The following DPP8 variants were observed in gnomAD, a reference collection of about 807,000 sequenced individuals.
DPP8 encodes dipeptidyl peptidase 8, also known as DPP VIII.
Under a neutral mutation model 107.5 loss-of-function variants are expected in DPP8, and 31 were observed. That is an observed-to-expected ratio of 0.29 (90% CI 0.22 to 0.39). The LOEUF is 0.39. DPP8 is among the 10% of genes least tolerant of loss of function. DPP8 has a pLI of 1.00. For synonymous variants in DPP8, 381 were observed against 356.6 expected (o/e 1.07, Z -0.77); for missense variants, 842 against 1,076.1 (o/e 0.78, Z 3.04).
chr15:65,488,039 T>C (rs915480997), intron 6 of DPP8, among the ~76,000 whole-genome samples: 3 of 152,202 alleles, frequency 2.0e-5, no homozygotes, highest in Non-Finnish European at 2.9e-5. Context: ...ATGATATGTA[T>C]ACATATTTTT....
At chr15:65,515,708 TC>T (rs755014161) in intron 1 of DPP8, 36 of 1,613,108 alleles carry the variant, frequency 2.2e-5, no homozygotes, top group Non-Finnish European at 2.9e-5. Context: ...GAGATCTTTT[TC>T]AAGTGACTCG....
chr15:65,492,784 G>T (rs1355430577), intron 5 of DPP8, among the ~76,000 whole-genome samples: 1 of 151,940 alleles, frequency 6.6e-6, no homozygotes, highest in East Asian at 1.9e-4. Context: ...TTTTTGTAGA[G>T]ATGAGGTCTC....
At chr15:65,487,020 GAATGA>G (rs146921814) in intron 7 of DPP8, among the ~76,000 whole-genome samples, 8,415 of 151,964 alleles carry the variant, frequency 0.055, 789 homozygotes, top group African/African-American at 0.19. Context: ...AAAAGAGCAA[GAATGA>G]AATAAAGTGA....
chr15:65,507,076 C>G (rs1219187877), intron 3 of DPP8, among the ~76,000 whole-genome samples, 167 bp downstream of exon 3: 1 of 152,208 alleles, frequency 6.6e-6, no homozygotes, highest in East Asian at 1.9e-4. Context: ...ATCTCAGTTT[C>G]AGATATCAAG....
chr15:65,469,369 A>G (rs1202604148), intron 12 of DPP8, among the ~76,000 whole-genome samples: 1 of 151,048 alleles, frequency 6.6e-6, no homozygotes, highest in Non-Finnish European at 1.5e-5. Context: ...AAAAGCTCAT[A>G]GGCAGCTGGG....
chr15:65,505,299 G>A (rs1346860614), intron 3 of DPP8, among the ~76,000 whole-genome samples: 2 of 151,520 alleles, frequency 1.3e-5, no homozygotes, highest in African/African-American at 4.9e-5. Context: ...AGCTTGCAGT[G>A]AGCTGAGATG....
chr15:65,461,787 C>G (rs654539), intron 15 of DPP8, among the ~76,000 whole-genome samples: 18,195 of 151,948 alleles, frequency 0.12, 1,905 homozygotes, highest in African/African-American at 0.29. Context: ...TTTTAGTAGA[C>G]ACAGGGTTCC....
intron 4 of DPP8, 148 bp from the exon 5 acceptor site, chr15:65,498,180 G>A (rs967572350): frequency 2.0e-5 from 10 of 509,728 alleles, no homozygotes; most frequent in African/African-American, 1.2e-4. Flanking sequence ...CCAGCACTTC[G>A]GGAGGCCAAG....
chr15:65,500,179 G>A (rs1427136437), intron 4 of DPP8, among the ~76,000 whole-genome samples: 3 of 152,114 alleles, frequency 2.0e-5, no homozygotes, highest in African/African-American at 7.2e-5. Flanking sequence ...AGCACTTTGG[G>A]AGGCCGAGAT....
At chr15:65,512,244 A>C in intron 2 of DPP8, 51 bp downstream of exon 2, 2 of 1,543,744 alleles carry the variant, frequency 1.3e-6, no homozygotes, top group Non-Finnish European at 1.7e-6. Context: ...CTAGACTTTA[A>C]GTTTGACTTA....
intron 8 of DPP8, among the ~76,000 whole-genome samples, chr15:65,482,790 G>A (rs577773593): frequency 5.3e-5 from 8 of 152,144 alleles, no homozygotes; most frequent in African/African-American, 1.9e-4. Context: ...AAACCACAAT[G>A]AGATACCACT....
intron 12 of DPP8, among the ~76,000 whole-genome samples, chr15:65,469,635 A>G (rs2065672635): frequency 6.7e-6 from 1 of 148,278 alleles, no homozygotes. Context: ...CCTGGGCAAC[A>G]AAAGCAAAAC....
rs974073991 is a variant in DPP8, at chr15:65,467,336, C to CT, written c.1537-114dup. On this transcript the variant is annotated intron_variant, in intron 12 of 19. Transcript: ENST00000300141. Reference sequence around the variant, plus strand: ...CTCCTTGACTTATGCCTTCTTTTTTCTTTTTTTTGCTGCCACTATTAATAA... The same window carrying CT: ...CTCCTTGACTTATGCCTTCTTTTTTCTTTTTTTTTGCTGCCACTATTAATAA... 279 of 954,288 alleles carry CT rather than the reference C, an allele frequency of 2.9e-4. 1 individual carries two copies. The highest frequency in any genetic ancestry group is 6.6e-4 in the Middle Eastern group (2 of 3,038). 59.1% of individuals were successfully genotyped at this position (954,288 alleles called of 1,614,324 possible).
At chr15:65,515,747 T>A (rs760510349) in intron 1 of DPP8, 45 of 1,500,920 alleles carry the variant, frequency 3.0e-5, no homozygotes, top group Non-Finnish European at 4.0e-5. Flanking sequence ...CCTCTGCTCA[T>A]CCTGCTCTTC....
chr15:65,479,954 G>A (rs1260881065), intron 10 of DPP8, among the ~76,000 whole-genome samples: 6 of 151,700 alleles, frequency 4.0e-5, no homozygotes, highest in Admixed American at 1.3e-4. Context: ...GTCCTCTCAG[G>A]AGCACTGATG....
intron 12 of DPP8, among the ~76,000 whole-genome samples, chr15:65,473,489 T>G (rs1001641416): frequency 7.2e-5 from 11 of 151,922 alleles, no homozygotes; most frequent in African/African-American, 2.7e-4. Flanking sequence ...ACAATATATA[T>G]GAGACCCTGT....
chr15:65,503,946 G>C (rs1245450228), intron 3 of DPP8, among the ~76,000 whole-genome samples: 1 of 151,994 alleles, frequency 6.6e-6, no homozygotes, highest in Non-Finnish European at 1.5e-5. Context: ...TTTTTTAGTA[G>C]AGATGAGGTT....
chr15:65,516,313 A>G (rs1232836017), intron 1 of DPP8: 2 of 152,394 alleles, frequency 1.3e-5, no homozygotes, highest in African/African-American at 2.4e-5. Flanking sequence ...TTCACGAGAT[A>G]AACAATTTTC....
At chr15:65,515,545 A>G in intron 1 of DPP8, 3 of 903,542 alleles carry the variant, frequency 3.3e-6, no homozygotes, top group African/African-American at 1.7e-5. Flanking sequence ...GGTGACCTGA[A>G]TTTTCTAATG....
Sources: allele counts gnomAD v4.1 joint callset (sites outside exome capture counted in the v4.1 genomes callset), GRCh38; gene constraint gnomAD v4.1.1; transcripts MANE v1.5; gene names NCBI Gene and HGNC (gene_info 2026-07-23, HGNC 2026-07-21).